UCHL3: variants seen among roughly 807,000 people sequenced by gnomAD.
UCHL3 encodes ubiquitin carboxyl-terminal hydrolase isozyme L3.
Under a neutral mutation model 35.8 loss-of-function variants are expected in UCHL3, and 22 were observed. The observed-to-expected ratio is 0.61, with a 90% CI of 0.44 to 0.88. The LOEUF (loss-of-function observed/expected upper bound fraction) is 0.88, where lower values mean the gene tolerates loss of function less well. Among genes scored for constraint, UCHL3 ranks in the 40% least tolerant of loss-of-function variants. The pLI, the probability that UCHL3 is intolerant of heterozygous loss-of-function variation, is 0.00. For missense variants in UCHL3, 229 were observed against 276.9 expected (o/e 0.83, Z 1.23); for synonymous variants, 90 against 92.8 (o/e 0.97, Z 0.17).
At chr13:75,554,607 C>A (rs2031229201) in intron 2 of UCHL3, among the ~76,000 whole-genome samples, 1 of 152,186 alleles carries the variant, frequency 6.6e-6, no homozygotes, top group Non-Finnish European at 1.5e-5. Flanking sequence ...ACTAGTTCTT[C>A]TGCTTCTCCT....
chr13:75,592,450 A>ATACATATATATATATGTATATATG (rs1566228153), intron 6 of UCHL3, among the ~76,000 whole-genome samples: 3 of 119,012 alleles, frequency 2.5e-5, no homozygotes, highest in African/African-American at 3.2e-5. Context: ...ATATATATAT[A>ATACATATATATATATGTATATATG]TATATATATA....
intron 6 of UCHL3, among the ~76,000 whole-genome samples, chr13:75,591,806 G>T (rs1008188900): frequency 6.6e-6 from 1 of 152,118 alleles, no homozygotes; most frequent in African/African-American, 2.4e-5. Flanking sequence ...GGTTTATACA[G>T]GTTGAGTATC....
rs189708953 is a variant in UCHL3 at position 75,568,359 on chromosome 13, T to C, written c.426+1047T>C. ...CTTTGAGAATTTTAAATTGTTTTTT[T>C]CTTTAAAAAAAAACTGGAGACTTCA... On this transcript the variant is annotated intron_variant, in intron 5 of 8. Coordinates refer to ENST00000377595, the MANE Select transcript of UCHL3 (RefSeq NM_006002.5). Among the ~76,000 whole-genome samples the C allele has an allele frequency of 1.6e-3, 246 of 151,994 alleles. 2 individuals carry two copies. The highest frequency in any genetic ancestry group is 5.6e-3 in the African/African-American group (233 of 41,542).
At chr13:75,591,878 A>T (rs1021653109) in intron 6 of UCHL3, among the ~76,000 whole-genome samples, 1 of 152,050 alleles carries the variant, frequency 6.6e-6, no homozygotes, top group African/African-American at 2.4e-5. Context: ...TTTATATTAG[A>T]CTTACCTGGT....
intron 6 of UCHL3, among the ~76,000 whole-genome samples, chr13:75,572,596 A>G (rs140521127): frequency 0.01 from 1,586 of 152,256 alleles, 9 homozygotes; most frequent in Non-Finnish European, 0.018. Flanking sequence ...TTCCTTACAC[A>G]TAAGTACAAC....
intron 2 of UCHL3, among the ~76,000 whole-genome samples, chr13:75,551,983 A>T (rs1325344207): frequency 6.6e-6 from 1 of 152,248 alleles, no homozygotes; most frequent in African/African-American, 2.4e-5. Flanking sequence ...AATAAGAAAA[A>T]GAACATAGTG....
intron 6 of UCHL3, among the ~76,000 whole-genome samples, chr13:75,570,193 T>C (rs1593733466): frequency 6.6e-6 from 1 of 152,342 alleles, no homozygotes; most frequent in East Asian, 1.9e-4. Context: ...ACCAGAGAAT[T>C]AGAGGTTTTC....
At chr13:75,601,744 G>A (rs1231397222) in intron 7 of UCHL3, among the ~76,000 whole-genome samples, 1 of 152,126 alleles carries the variant, frequency 6.6e-6, no homozygotes, top group Non-Finnish European at 1.5e-5. Context: ...TCTCAGGCAT[G>A]CCTGTACATT....
chr13:75,557,107 T>C (rs1236965588), intron 2 of UCHL3, among the ~76,000 whole-genome samples: 1 of 152,040 alleles, frequency 6.6e-6, no homozygotes, highest in Non-Finnish European at 1.5e-5. Flanking sequence ...CTCAGCTATC[T>C]GGGAGGCTGA....
At chr13:75,581,918 A>T (rs1046272595) in intron 6 of UCHL3, among the ~76,000 whole-genome samples, 9 of 152,142 alleles carry the variant, frequency 5.9e-5, no homozygotes, top group Admixed American at 5.9e-4. Flanking sequence ...CAACCAGAAG[A>T]TAGATTTGGA....
intron 7 of UCHL3, among the ~76,000 whole-genome samples, chr13:75,603,414 G>C (rs2032835431): frequency 6.6e-6 from 1 of 152,264 alleles, no homozygotes; most frequent in African/African-American, 2.4e-5. Flanking sequence ...AGGATTGCTT[G>C]AACGCAGGAG....
chr13:75,549,545 AGGGCTGT>A, upstream of UCHL3: 1 of 431,794 alleles, frequency 2.3e-6, no homozygotes, highest in East Asian at 3.6e-5. Flanking sequence ...GTGAGGGGAG[AGGGCTGT>A]GGATTCAGAT....
intron 6 of UCHL3, among the ~76,000 whole-genome samples, chr13:75,592,458 A>ATGTATATACG (rs2032533467): frequency 1.7e-5 from 2 of 117,620 alleles, no homozygotes; most frequent in African/African-American, 3.1e-5. Context: ...ATATATATAT[A>ATGTATATACG]TATATATATG....
At chr13:75,589,221 G>A (rs1458819625) in intron 6 of UCHL3, among the ~76,000 whole-genome samples, 1 of 152,056 alleles carries the variant, frequency 6.6e-6, no homozygotes, top group East Asian at 1.9e-4. Flanking sequence ...ACCCATTTGT[G>A]CTCTGATTCC....
chr13:75,603,566 CCTTT>C (rs2032839615), intron 7 of UCHL3, among the ~76,000 whole-genome samples: 2 of 151,972 alleles, frequency 1.3e-5, no homozygotes, highest in African/African-American at 4.8e-5. Context: ...TATACTTTTG[CCTTT>C]ATGTAAACAT....
In UCHL3 at chr13:75,605,812, G is replaced by A. The variant is rs1270235998; in HGVS notation, c.693G>A (p.Ter231=). The A allele has an allele frequency of 1.2e-6, 2 of 1,613,854 alleles. No homozygotes were observed. Among genetic ancestry groups the A allele is most frequent in the Non-Finnish European group, 8.5e-7 (1 of 1,179,934 alleles). ...RFNAIALSAA[*] The stretch of plus-strand genomic sequence containing the variant: ...ATGCGATTGCTCTTTCTGCAGCATA[G>A]CTTGTCAATAATGGAAACACCAAAA... The change falls in exon 9 of 9, where the codon TAG becomes TAA. Residue 231 remains the stop codon, a stop_retained_variant. Transcript: ENST00000377595.
chr13:75,592,440 A>ATG lies in UCHL3; in HGVS notation c.475-2474_475-2473insGT, dbSNP rs1566228033. Among the ~76,000 whole-genome samples the ATG allele has an allele frequency of 3.7e-5, 4 of 108,986 alleles. 1 individual carries two copies. The highest frequency in any genetic ancestry group is 7.5e-5 in the Non-Finnish European group (4 of 53,010). 71.5% of individuals were successfully genotyped at this position (108,986 alleles called of 152,430 possible). On this transcript the variant is annotated intron_variant, in intron 6 of 8. Coordinates refer to ENST00000377595, the MANE Select transcript of UCHL3 (RefSeq NM_006002.5). Reference sequence around the variant, plus strand: ...CATATATATATATATATATATATATATATATATATATATATATATATATAT... The same window carrying ATG: ...CATATATATATATATATATATATATATGTATATATATATATATATATATATAT...
intron 6 of UCHL3, chr13:75,590,177 CT>C (rs35178906): frequency 0.035 from 37,821 of 1,074,644 alleles, no homozygotes; most frequent in South Asian, 0.076. Flanking sequence ...CAAGGGCTGT[CT>C]TTTTTTTTTT....
At chr13:75,567,746 C>A (rs1291422006) in intron 5 of UCHL3, among the ~76,000 whole-genome samples, 2 of 151,998 alleles carry the variant, frequency 1.3e-5, no homozygotes, top group African/African-American at 4.8e-5. Context: ...CAGGGTTTTG[C>A]CATGTTGGTC....
Sources: allele counts gnomAD v4.1 joint callset (sites outside exome capture counted in the v4.1 genomes callset), GRCh38; gene constraint gnomAD v4.1.1; transcripts MANE v1.5; gene names NCBI Gene and HGNC (gene_info 2026-07-23, HGNC 2026-07-21).